The following ZNF384 variants were observed in gnomAD, a reference collection of about 807,000 sequenced individuals.
ZNF384 encodes the protein CAG repeat protein 1.
A neutral mutation model predicts 65.0 loss-of-function variants in ZNF384; 20 were observed. The ratio of observed to expected loss-of-function variants is 0.31; its 90% CI spans 0.22 to 0.45. The LOEUF is 0.45. Ranked by LOEUF, ZNF384 falls within the 20% of genes least tolerant of loss-of-function variation. The probability of loss-of-function intolerance (pLI) is 1.00; values close to 1 mark genes in which losing one functional copy is unlikely to be tolerated. For synonymous variants in ZNF384, 310 were observed against 303.9 expected, an observed-to-expected ratio of 1.02 and a Z score of -0.21; for missense variants, 549 against 769.4, an observed-to-expected ratio of 0.71 and a Z score of 3.39.
At chr12:6,682,119 C>T (rs866568209) in intron 2 of ZNF384, among the ~76,000 whole-genome samples, 4 of 138,458 alleles carry the variant, frequency 2.9e-5, no homozygotes, top group Non-Finnish European at 3.0e-5. Flanking sequence ...TATTTGAGAC[C>T]GTGTCTCTAA....
chr12:6,677,285 C>T (rs1204649087), intron 6 of ZNF384, 26 bp from the exon 7 acceptor site: 1 of 1,304,614 alleles, frequency 7.7e-7, no homozygotes, highest in African/African-American at 1.5e-5. Flanking sequence ...CATTGCCCAT[C>T]TGGGTACACT....
intron 2 of ZNF384, among the ~76,000 whole-genome samples, chr12:6,683,163 C>T (rs1027145389): frequency 1.3e-5 from 2 of 151,506 alleles, no homozygotes; most frequent in East Asian, 1.9e-4. Flanking sequence ...TGGTGGCACA[C>T]GCCTGTAATC....
chr12:6,670,353 G>A (rs1461768353), intron 10 of ZNF384, among the ~76,000 whole-genome samples: 3 of 151,920 alleles, frequency 2.0e-5, no homozygotes, highest in African/African-American at 7.3e-5. Flanking sequence ...ACTTGAGACC[G>A]GGAGGCTGAG....
chr12:6,673,127 A>C lies in ZNF384; in HGVS notation c.1004+89T>G. 2 of 1,218,698 alleles carry C rather than the reference A, an allele frequency of 1.6e-6. No individual in the cohort carries two copies. The highest frequency in any genetic ancestry group is 2.8e-5 in the South Asian group (2 of 72,258). 75.5% of individuals were successfully genotyped at this position (1,218,698 alleles called of 1,614,324 possible). A position where few individuals can be genotyped will look rare whatever the true frequency, so the allele number is the denominator to read the frequency against. ...CAATGGGCAAAGGTGAAAGGGAAAG[A>C]ATAATACATGTGGAGAGAGGAGTAG... On this transcript the variant is annotated intron_variant, in intron 8 of 11. Transcript: ENST00000683879. The surrounding 1 kb of genome is among the most constrained non-coding windows in gnomAD (Gnocchi z 4.7).
chr12:6,675,299 T>A (rs772797635), intron 7 of ZNF384, among the ~76,000 whole-genome samples: 1 of 152,218 alleles, frequency 6.6e-6, no homozygotes, highest in Non-Finnish European at 1.5e-5. Context: ...GACACATTGT[T>A]TCTACTCCTC....
intron 2 of ZNF384, among the ~76,000 whole-genome samples, chr12:6,686,520 C>T (rs1957962320): frequency 6.6e-6 from 1 of 152,224 alleles, no homozygotes; most frequent in African/African-American, 2.4e-5. Context: ...TCCCAAAGTG[C>T]TGAGATTACA....
intron 10 of ZNF384, among the ~76,000 whole-genome samples, chr12:6,670,204 G>A (rs1421768639): frequency 6.6e-6 from 1 of 152,142 alleles, no homozygotes; most frequent in Non-Finnish European, 1.5e-5. Context: ...TGAGGCGGGA[G>A]GATGGCCTGT....
chr12:6,682,095 C>T (rs1198364989), intron 2 of ZNF384, among the ~76,000 whole-genome samples: 2 of 139,188 alleles, frequency 1.4e-5, no homozygotes, highest in African/African-American at 2.7e-5. Flanking sequence ...AGTTTGAGAC[C>T]AGGCTAAGCA....
chr12:6,683,239 C>A (rs1206373394), intron 2 of ZNF384, among the ~76,000 whole-genome samples: 2 of 150,504 alleles, frequency 1.3e-5, no homozygotes, highest in African/African-American at 4.9e-5. Context: ...TGCAGCGAGC[C>A]GAGATCTAAC....
intron 2 of ZNF384, among the ~76,000 whole-genome samples, chr12:6,684,379 AAT>A (rs1293678479): frequency 6.6e-6 from 1 of 152,228 alleles, no homozygotes; most frequent in Non-Finnish European, 1.5e-5. Flanking sequence ...GTTCTCAAAA[AAT>A]GTTTTCAAAA....
At chr12:6,686,628 T>C (rs926731815) in intron 2 of ZNF384, among the ~76,000 whole-genome samples, 2 of 152,292 alleles carry the variant, frequency 1.3e-5, no homozygotes, top group Admixed American at 6.5e-5. Flanking sequence ...GAATTAACCA[T>C]TTTACTAGGT....
Position 6,678,900 on chromosome 12 carries a change from C to T in ZNF384, c.304+46G>A. On this transcript the variant is annotated intron_variant, in intron 4 of 11. Coordinates refer to ENST00000683879, the MANE Select transcript of ZNF384 (RefSeq NM_001385745.1). The surrounding 1 kb of genome is among the most constrained non-coding windows in gnomAD (Gnocchi z 4.9). Reference sequence around the variant, plus strand: ...GAGCCCTCCAGCCTGGGGTACTGATCATGGAAGATCAACACCTCAGATTGG... The same window carrying T: ...GAGCCCTCCAGCCTGGGGTACTGATTATGGAAGATCAACACCTCAGATTGG... 1 of 1,592,162 alleles carries T rather than the reference C, an allele frequency of 6.3e-7. No individual in the cohort carries two copies. The highest frequency in any genetic ancestry group is 8.6e-7 in the Non-Finnish European group (1 of 1,161,856).
intron 7 of ZNF384, among the ~76,000 whole-genome samples, chr12:6,675,637 A>G (rs1417918378): frequency 6.6e-6 from 1 of 152,182 alleles, no homozygotes; most frequent in Non-Finnish European, 1.5e-5. Context: ...CATCCATATC[A>G]TGGGGTGCCT....
chr12:6,668,027 G>A lies in ZNF384; in HGVS notation c.1514C>T (p.Ala505Val), dbSNP rs1950207643. 6.2e-7 allele frequency: 1 copy of A among 1,613,622 alleles called. No individual in the cohort carries two copies. The highest frequency in any genetic ancestry group is 1.3e-5 in the African/African-American group (1 of 75,046). Residue 505 changes from alanine to valine, a missense_variant, in exon 12 of 12, where the codon GCC (alanine) becomes GTC (valine). Ala to Val is a moderately conservative substitution (Grantham distance 64). Coordinates refer to ENST00000683879, the MANE Select transcript of ZNF384 (RefSeq NM_001385745.1). Reference sequence around the variant, plus strand: ...GGCTTGAGCTTGAGCCTGGGCCTGGGCCACTGCTGCCGCTGCTGCTGCTGC... The same window carrying A: ...GGCTTGAGCTTGAGCCTGGGCCTGGACCACTGCTGCCGCTGCTGCTGCTGC... ...VQAAAAAAAV[A>V]QAQAQAQAQA...
chr12:6,687,333 G>A (rs1490861890), intron 2 of ZNF384, among the ~76,000 whole-genome samples: 1 of 152,172 alleles, frequency 6.6e-6, no homozygotes, highest in Non-Finnish European at 1.5e-5. Context: ...CATCCTGTGG[G>A]AGGGACGGCA....
At chr12:6,670,665 G>A in intron 10 of ZNF384, 95 bp downstream of exon 10, 1 of 1,177,234 alleles carries the variant, frequency 8.5e-7, no homozygotes, top group Non-Finnish European at 1.3e-6. Context: ...ATGTTTGAGT[G>A]TAAAGGAGTC....
At chr12:6,670,664 T>A (rs1403952381) in intron 10 of ZNF384, 96 bp downstream of exon 10, 59 of 1,142,840 alleles carry the variant, frequency 5.2e-5, no homozygotes, top group Non-Finnish European at 7.8e-5. Flanking sequence ...AATGTTTGAG[T>A]GTAAAGGAGT....
At chr12:6,681,697 T>C (rs182118848) in intron 2 of ZNF384, among the ~76,000 whole-genome samples, 151 of 152,324 alleles carry the variant, frequency 9.9e-4, no homozygotes, top group Admixed American at 3.9e-3. Flanking sequence ...TGAAAATTAC[T>C]CTAACATAAC....
intron 7 of ZNF384, 114 bp downstream of exon 7, chr12:6,677,053 C>A: frequency 6.2e-6 from 2 of 320,636 alleles, no homozygotes; most frequent in Non-Finnish European, 1.2e-5. Context: ...TTTGAAGTTC[C>A]CAACATTTCA....
Sources: allele counts gnomAD v4.1 joint callset (sites outside exome capture counted in the v4.1 genomes callset), GRCh38; gene constraint gnomAD v4.1.1; non-coding constraint Gnocchi (gnomAD v3.1); transcripts MANE v1.5; gene names NCBI Gene and HGNC (gene_info 2026-07-23, HGNC 2026-07-21).